SCN11A: variants seen among roughly 807,000 people sequenced by gnomAD.
SCN11A encodes the protein sodium channel protein type 11 subunit alpha.
In SCN11A, 122 loss-of-function variants were observed where a neutral mutation model predicts 162.2. That is an observed-to-expected ratio of 0.75 (90% confidence interval 0.65 to 0.87). SCN11A has a LOEUF of 0.87. SCN11A is among the 40% of genes least tolerant of loss of function. The pLI is 0.00. For missense variants in SCN11A, 2,015 were observed against 2,181.6 expected (o/e 0.92, Z 1.52); for synonymous variants, 758 against 751.5 (o/e 1.01, Z -0.14).
rs1222682816 is a variant in SCN11A at position 38,871,459 on chromosome 3, C to T, written c.3745G>A (p.Ala1249Thr). The change falls in exon 25 of 30, where the codon GCT (alanine) becomes ACT (threonine). Residue 1249 changes from alanine to threonine, a missense_variant. By Grantham distance (58) the Ala-to-Thr change is moderately conservative. Coordinates refer to ENST00000302328, the MANE Select transcript of SCN11A (RefSeq NM_001349253.2). ...ACTGTACTTACCACTTGCAGCAGAG[C>T]GAGGTAAGCATTTCCCACATTGTCA... The part of the protein sequence containing the change: ...NFDNVGNAYL[A>T]LLQVATFKGW... The T allele has an allele frequency of 2.4e-5, 39 of 1,606,600 alleles. No individual in the cohort carries two copies. In the Admixed American group the frequency reaches 4.9e-4, roughly 20 times the overall value.
Position 38,925,505 on chromosome 3 carries a change from C to T in SCN11A, c.622G>A (p.Val208Met), listed in dbSNP as rs2066125224. 1 of 1,608,898 alleles carries T rather than the reference C, an allele frequency of 6.2e-7. No homozygotes were observed. The highest frequency in any genetic ancestry group is 1.3e-5 in the African/African-American group (1 of 74,806). ...ATGGTGATTCCTGGAATATATGACACAATCCTACAAGACAAAGCACAGGGA... is the reference window on the plus strand; with the variant it reads ...ATGGTGATTCCTGGAATATATGACATAATCCTACAAGACAAAGCACAGGGA... ...LDSIVIGIAI[V>M]SYIPGITIKL... The change falls in exon 9 of 30, where the codon GTG becomes ATG. Residue 208 changes from valine to methionine, a missense_variant. By Grantham distance (21) the Val-to-Met change is conservative. Coordinates refer to ENST00000302328, the MANE Select transcript of SCN11A (RefSeq NM_001349253.2).
intron 2 of SCN11A, among the ~76,000 whole-genome samples, chr3:38,991,012 A>G (rs1352960431): frequency 6.6e-6 from 1 of 152,044 alleles, no homozygotes; most frequent in African/African-American, 2.4e-5. Context: ...CTCCTGGGGG[A>G]AAAAATAATC....
intron 19 of SCN11A, among the ~76,000 whole-genome samples, chr3:38,887,821 AC>A (rs2065428495): frequency 6.6e-6 from 1 of 152,184 alleles, no homozygotes; most frequent in African/African-American, 2.4e-5. Flanking sequence ...TTTTATCCTA[AC>A]ATCTATGTGA....
intron 1 of SCN11A, among the ~76,000 whole-genome samples, chr3:39,043,014 T>C (rs937249379): frequency 2.8e-5 from 4 of 144,148 alleles, no homozygotes; most frequent in Non-Finnish European, 4.6e-5. Flanking sequence ...AAGATCTGAC[T>C]AGACATTTCT....
chr3:39,033,212 G>A (rs1185261084), intron 1 of SCN11A, among the ~76,000 whole-genome samples: 1 of 151,584 alleles, frequency 6.6e-6, no homozygotes, highest in Non-Finnish European at 1.5e-5. Context: ...GTAATTGGCA[G>A]AAGAAAGATC....
chr3:38,928,782 A>C (rs954453041), intron 7 of SCN11A, among the ~76,000 whole-genome samples: 6 of 152,186 alleles, frequency 3.9e-5, no homozygotes, highest in Non-Finnish European at 8.8e-5. Context: ...AAAACCTAAA[A>C]TAACAAGTGT....
intron 1 of SCN11A, among the ~76,000 whole-genome samples, chr3:39,042,650 T>C (rs947307825): frequency 6.6e-6 from 1 of 151,918 alleles, no homozygotes; most frequent in Admixed American, 6.6e-5. Context: ...AAAAATCTAA[T>C]AATCTGATCA....
At chr3:38,981,490 T>C (rs1034119837) in intron 2 of SCN11A, among the ~76,000 whole-genome samples, 4 of 152,110 alleles carry the variant, frequency 2.6e-5, no homozygotes, top group African/African-American at 9.7e-5. Context: ...GGGGCCCATC[T>C]TCCTGGTACC....
chr3:38,975,803 G>A (rs953228083), intron 2 of SCN11A, among the ~76,000 whole-genome samples: 1 of 152,170 alleles, frequency 6.6e-6, no homozygotes, highest in African/African-American at 2.4e-5. Context: ...AAGTAAAATG[G>A]TAGTAGCCAG....
intron 11 of SCN11A, among the ~76,000 whole-genome samples, chr3:38,913,808 T>C (rs1338122840): frequency 1.3e-5 from 2 of 152,326 alleles, no homozygotes; most frequent in Non-Finnish European, 2.9e-5. Flanking sequence ...GTTGTAGGTG[T>C]GCAGCCTTAT....
chr3:39,035,929 G>C (rs1292488201), intron 1 of SCN11A, among the ~76,000 whole-genome samples: 3 of 152,090 alleles, frequency 2.0e-5, no homozygotes, highest in Non-Finnish European at 4.4e-5. Flanking sequence ...GTGAGCCACT[G>C]TGCCTGGCAA....
chr3:39,045,609 A>G (rs2053453222), intron 1 of SCN11A, among the ~76,000 whole-genome samples: 2 of 152,172 alleles, frequency 1.3e-5, no homozygotes, highest in South Asian at 4.1e-4. Context: ...CATGATAAAA[A>G]CTCTCAACAA....
At chr3:38,964,508 T>C (rs2125584833) in intron 2 of SCN11A, among the ~76,000 whole-genome samples, 1 of 152,286 alleles carries the variant, frequency 6.6e-6, no homozygotes, top group Middle Eastern at 3.4e-3. Context: ...ATCAAGGAGC[T>C]GCAAGTAAGA....
At position 38,950,226 on chromosome 3, in the gene SCN11A, T is replaced by C. The variant is rs977727408; in HGVS notation, c.137A>G (p.Glu46Gly). Residue 46 changes from glutamate to glycine, a missense_variant, in exon 5 of 30, where the codon GAA becomes GGA. By Grantham distance (98) the Glu-to-Gly change is moderately conservative. Coordinates refer to ENST00000302328, the MANE Select transcript of SCN11A (RefSeq NM_001349253.2). ...EKKKSKDQTG[E>G]VPQPRPQLDL... is the part of the protein sequence containing the mutation. ...AAGCTGAGGCCGAGGCTGGGGTACT[T>C]CTCCTGTCTGGTCTTTAGACTTCTT... 6.2e-7 allele frequency: 1 copy of C among 1,613,916 alleles called. No individual in the cohort carries two copies.
chr3:38,950,923 A>AC (rs1006137442), intron 4 of SCN11A, among the ~76,000 whole-genome samples: 1 of 152,122 alleles, frequency 6.6e-6, no homozygotes, highest in African/African-American at 2.4e-5. Context: ...ATGAACTGCG[A>AC]CCCCCATGCC....
intron 2 of SCN11A, among the ~76,000 whole-genome samples, chr3:38,968,597 C>T (rs1353073322): frequency 6.6e-6 from 1 of 152,150 alleles, no homozygotes; most frequent in East Asian, 1.9e-4. Context: ...CACATGTGCA[C>T]ACACACGTGC....
chr3:38,853,198 G>A (rs2064811023), intron 28 of SCN11A, among the ~76,000 whole-genome samples: 1 of 152,128 alleles, frequency 6.6e-6, no homozygotes. Flanking sequence ...TGATAAATAT[G>A]TCAGAACATA....
chr3:38,992,948 C>A (rs1406611530), intron 2 of SCN11A, among the ~76,000 whole-genome samples: 1 of 152,236 alleles, frequency 6.6e-6, no homozygotes, highest in Non-Finnish European at 1.5e-5. Flanking sequence ...TACCTTACCA[C>A]ACACACTTGC....
At chr3:38,885,498 G>T in intron 20 of SCN11A, 96 bp from the exon 21 acceptor site, 1 of 714,888 alleles carries the variant, frequency 1.4e-6, no homozygotes, top group Non-Finnish European at 2.4e-6. Flanking sequence ...TTTTAAGGAT[G>T]AAATGAACTA....
Sources: allele counts gnomAD v4.1 joint callset (sites outside exome capture counted in the v4.1 genomes callset), GRCh38; gene constraint gnomAD v4.1.1; transcripts MANE v1.5; gene names NCBI Gene and HGNC (gene_info 2026-07-23, HGNC 2026-07-21).